NAA38: variants seen among roughly 807,000 people sequenced by gnomAD.
NAA38 encodes the protein N-alpha-acetyltransferase 38, NatC auxiliary subunit, also known as LSM domain containing 1.
A neutral mutation model predicts 12.6 loss-of-function variants in NAA38; 15 were observed. The ratio of observed to expected loss-of-function variants is 1.19; its 90% confidence interval spans 0.79 to 1.83. NAA38 has a LOEUF of 1.83. NAA38 is among the 40% of genes most tolerant of loss of function. NAA38 has a pLI of 0.00. For missense variants in NAA38, 183 were observed against 171.7 expected (o/e 1.07, Z -0.37); for synonymous variants, 88 against 69.9 (o/e 1.26, Z -1.29).
At chr17:7,883,457 C>G (rs1247535896) in intron 1 of NAA38, 1 of 151,988 alleles carries the variant, frequency 6.6e-6, no homozygotes, top group Non-Finnish European at 1.5e-5. Context: ...ATTTTACATT[C>G]TAACAATTGG....
At chr17:7,859,602 C>A, upstream of NAA38, 1 of 1,613,946 alleles carries the variant, frequency 6.2e-7, no homozygotes, top group Non-Finnish European at 8.5e-7. Context: ...GATGATCTCA[C>A]GGAGTTGTAG....
chr17:7,857,262 C>G, intron 1 of NAA38, 64 bp from the exon 2 acceptor site: 13 of 1,609,950 alleles, frequency 8.1e-6, no homozygotes, highest in Non-Finnish European at 1.1e-5. Flanking sequence ...GGAACCACAG[C>G]TCCCGGCAGC....
Position 7,857,404 on chromosome 17 carries a change from A to G in NAA38, c.60T>C (p.Arg20=), listed in dbSNP as rs746184758. ...LREENGCCSR[R]QSSSSAGDSD... Reference sequence around the variant, plus strand: ...TAACCCCAGCACTGGAGCTGCTCTGACGCCGACTGCAACAGCCATTCTCTT... The same window carrying G: ...TAACCCCAGCACTGGAGCTGCTCTGGCGCCGACTGCAACAGCCATTCTCTT... The change falls in exon 1 of 3, where the codon CGT becomes CGC. Residue 20 remains arginine (R), a synonymous_variant. Transcript: ENST00000575771. 26 of 1,602,306 alleles carry G rather than the reference A, an allele frequency of 1.6e-5. No individual in the cohort carries two copies. The highest frequency in any genetic ancestry group is 2.0e-5 in the Non-Finnish European group (23 of 1,176,152).
At chr17:7,885,025 C>CCCGCCGCCGCCGCCGCCGCCG (rs759738955) in intron 1 of NAA38, 1 of 1,149,992 alleles carries the variant, frequency 8.7e-7, no homozygotes, top group Non-Finnish European at 1.1e-6. Context: ...GCCACCTCTT[C>CCCGCCGCCGCCGCCGCCGCCG]CCGCCGCCGC....
At chr17:7,870,126 G>A (rs1967061122) in intron 2 of NAA38, among the ~76,000 whole-genome samples, 1 of 152,190 alleles carries the variant, frequency 6.6e-6, no homozygotes, top group Non-Finnish European at 1.5e-5. Flanking sequence ...TGGGCATGGT[G>A]GCCCCTGTGC....
At chr17:7,885,058 C>CCCGCCG in intron 1 of NAA38, 1 of 957,030 alleles carries the variant, frequency 1.0e-6, no homozygotes. Flanking sequence ...CACCGCTGCC[C>CCCGCCG]CCGCCGCCGC....
chr17:7,856,767 C>T lies in NAA38; in HGVS notation c.342G>A (p.Val114=), dbSNP rs200649241. 1 of 1,614,078 alleles carries T rather than the reference C, an allele frequency of 6.2e-7. No individual in the cohort carries two copies. The highest frequency in any genetic ancestry group is 1.3e-5 in the African/African-American group (1 of 75,058). The change falls in exon 3 of 3, where the codon GTG becomes GTA. Residue 114 remains valine, a synonymous_variant. Transcript: ENST00000575771. ...GAGGCCCGGTCAGACTCTCCCTCTG[C>T]ACCTCAATGGAAACGATGTGGTGTC... ...VPGHHIVSIE[V]QRESLTGPPY...
intron 2 of NAA38, among the ~76,000 whole-genome samples, chr17:7,871,565 A>G (rs990044559): frequency 2.6e-5 from 4 of 152,144 alleles, no homozygotes. Context: ...GCTGTAATAC[A>G]ATACTGGAGT....
intron 2 of NAA38, among the ~76,000 whole-genome samples, chr17:7,869,226 T>G (rs1967041744): frequency 6.6e-6 from 1 of 152,182 alleles, no homozygotes. Flanking sequence ...ATACACCATT[T>G]TACAGATGGA....
intron 2 of NAA38, among the ~76,000 whole-genome samples, chr17:7,871,335 G>C (rs775427648): frequency 1.3e-5 from 2 of 152,168 alleles, no homozygotes; most frequent in Non-Finnish European, 2.9e-5. Context: ...AAAGGAGTGA[G>C]TGAGTTAGTA....
chr17:7,859,623 G>A (rs752190170), upstream of NAA38: 18 of 1,611,532 alleles, frequency 1.1e-5, no homozygotes, highest in Non-Finnish European at 1.5e-5. Context: ...GCAAGGAGAT[G>A]TACACTCGTG....
At chr17:7,859,553 G>T, upstream of NAA38, 1 of 1,614,146 alleles carries the variant, frequency 6.2e-7, no homozygotes, top group Non-Finnish European at 8.5e-7. Context: ...CAGTATGGAC[G>T]GTACACTTCA....
chr17:7,879,061 T>A (rs1454992041), intron 2 of NAA38, among the ~76,000 whole-genome samples: 3 of 151,856 alleles, frequency 2.0e-5, no homozygotes, highest in African/African-American at 7.3e-5. Context: ...CAGAAATATA[T>A]CCTCTCAGAA....
intron 2 of NAA38, among the ~76,000 whole-genome samples, chr17:7,875,121 G>C (rs1479781813): frequency 6.6e-6 from 1 of 151,848 alleles, no homozygotes; most frequent in African/African-American, 2.4e-5. Flanking sequence ...CTTGAGCCTA[G>C]GAGTTCGAGG....
chr17:7,872,805 T>A lies in NAA38; in HGVS notation c.-65-6247A>T, dbSNP rs1023055651. ...ATCAATAATCCTTTGCCCCACTGAT[T>A]TAAAGTATCACCTTTGCCATATATT... On this transcript the variant is annotated intron_variant, in intron 2 of 4. Coordinates refer to the NAA38 transcript ENST00000576861. 5.9e-5 allele frequency among the ~76,000 whole-genome samples: 9 copies of A among 152,240 alleles called. No homozygotes were observed. The South Asian group carries it at 1.7e-3, about 28-fold the overall frequency.
chr17:7,858,079 C>G, upstream of NAA38: 3 of 1,603,584 alleles, frequency 1.9e-6, no homozygotes, highest in Non-Finnish European at 2.5e-6. Flanking sequence ...GTAGTGAGTA[C>G]GTGCTGAGGA....
chr17:7,861,989 C>T (rs2078886610), upstream of NAA38: 1 of 152,190 alleles, frequency 6.6e-6, no homozygotes, highest in Non-Finnish European at 1.5e-5. Context: ...ACACACTGTC[C>T]TCTCTGCCTG....
intron 2 of NAA38, among the ~76,000 whole-genome samples, chr17:7,867,181 A>G (rs1376966926): frequency 6.6e-6 from 1 of 152,062 alleles, no homozygotes; most frequent in Non-Finnish European, 1.5e-5. Flanking sequence ...CTAAGAGGAA[A>G]GCGGGAGGCG....
upstream of NAA38, chr17:7,858,545 C>T (rs1395339964): frequency 1.9e-6 from 3 of 1,613,156 alleles, no homozygotes; most frequent in East Asian, 4.5e-5. Context: ...GAAGGAAAGG[C>T]GGAGGCTAGC....
Sources: allele counts gnomAD v4.1 joint callset (sites outside exome capture counted in the v4.1 genomes callset), GRCh38; gene constraint gnomAD v4.1.1; transcripts MANE v1.5; gene names NCBI Gene and HGNC (gene_info 2026-07-23, HGNC 2026-07-21).